The following MTM1 variants were observed in gnomAD, a reference collection of about 807,000 sequenced individuals.
MTM1 encodes myotubularin.
Under a neutral mutation model 52.1 loss-of-function variants are expected in MTM1, and 9 were observed. That is an observed-to-expected ratio of 0.17 (90% CI 0.10 to 0.30). The LOEUF is 0.30. MTM1 is among the 10% of genes least tolerant of loss of function. The pLI is 1.00. For missense variants in MTM1, 277 were observed against 470.7 expected (o/e 0.59, Z 3.81); for synonymous variants, 136 against 163.8 (o/e 0.83, Z 1.29).
intron 1 of MTM1, among the ~76,000 whole-genome samples, chrX:150,570,249 G>T (rs928037160): frequency 9.0e-6 from 1 of 111,218 alleles, no homozygotes; most frequent in Non-Finnish European, 1.9e-5. Flanking sequence ...AATAAACAAT[G>T]ATATATTTTC....
chrX:150,580,002 T>G (rs894192329), intron 1 of MTM1, among the ~76,000 whole-genome samples: 8 of 111,480 alleles, frequency 7.2e-5, no homozygotes, highest in Non-Finnish European at 1.3e-4. Flanking sequence ...CAATATGTTA[T>G]GTGTTTTGAA....
rs2040409127 is a variant in MTM1 at position 150,672,368 on chromosome X, T to C, written c.*773T>C. The C allele has an allele frequency of 8.9e-6, 1 of 111,857 alleles. No individual in the cohort carries two copies. Among genetic ancestry groups the C allele is most frequent in the African/African-American group, 3.3e-5 (1 of 30,767 alleles). The allele number at this position is 111,857 out of a possible 1,213,427, so 9.2% of individuals were successfully genotyped here. A position where few individuals can be genotyped will look rare whatever the true frequency, so the allele number is the denominator to read the frequency against. Reference sequence around the variant, plus strand: ...TTGTGGCAAACCCCAAAGAGAGCACTGTCCAAGGATGTCGGGAGCATCCTG... The same window carrying C: ...TTGTGGCAAACCCCAAAGAGAGCACCGTCCAAGGATGTCGGGAGCATCCTG... On this transcript the variant is annotated 3_prime_UTR_variant, in exon 15 of 15. Transcript: ENST00000370396.
chrX:150,642,266 C>T (rs1177358991), intron 8 of MTM1, among the ~76,000 whole-genome samples: 1 of 111,246 alleles, frequency 9.0e-6, no homozygotes, highest in African/African-American at 3.3e-5. Flanking sequence ...TTGTTATACA[C>T]TTCTAGCCAT....
chrX:150,583,101 A>G (rs995994148), intron 1 of MTM1, among the ~76,000 whole-genome samples: 1 of 85,393 alleles, frequency 1.2e-5, no homozygotes, highest in African/African-American at 4.5e-5. Flanking sequence ...ATATATTTAT[A>G]TATAAATTAT....
intron 7 of MTM1, 130 bp from the exon 8 acceptor site, chrX:150,641,139 G>A: frequency 3.0e-6 from 2 of 655,967 alleles, no homozygotes; most frequent in Non-Finnish European, 4.7e-6. Flanking sequence ...ATTATAAATA[G>A]GTAGACCGTC....
chrX:150,597,376 A>G (rs782712588), intron 3 of MTM1, among the ~76,000 whole-genome samples: 1 of 111,943 alleles, frequency 8.9e-6, no homozygotes, highest in South Asian at 3.7e-4. Flanking sequence ...TGAGTCCACA[A>G]ACTTGCACAC....
intron 1 of MTM1, among the ~76,000 whole-genome samples, chrX:150,571,973 A>G (rs1197355405): frequency 1.8e-5 from 2 of 112,064 alleles, no homozygotes; most frequent in Non-Finnish European, 3.8e-5. Context: ...GTATTTTTCC[A>G]CTGTGAGTAC....
At chrX:150,614,034 C>T (rs781851194) in intron 4 of MTM1, among the ~76,000 whole-genome samples, 13 of 112,054 alleles carry the variant, frequency 1.2e-4, no homozygotes, top group East Asian at 5.6e-4. Context: ...TAACAGCAGT[C>T]GGAATCAAGT....
intron 10 of MTM1, among the ~76,000 whole-genome samples, chrX:150,653,260 C>T (rs187511518): frequency 3.6e-5 from 4 of 110,832 alleles, no homozygotes; most frequent in East Asian, 5.7e-4. Flanking sequence ...CTGGTTGGAA[C>T]GAGGGGAAAT....
intron 4 of MTM1, among the ~76,000 whole-genome samples, chrX:150,611,082 G>A (rs916117711): frequency 1.6e-4 from 18 of 111,674 alleles, no homozygotes; most frequent in African/African-American, 5.5e-4. Flanking sequence ...TTACTGAGTA[G>A]TATTTTTCTC....
chrX:150,667,689 G>A (rs1334725043), intron 14 of MTM1, among the ~76,000 whole-genome samples: 1 of 112,062 alleles, frequency 8.9e-6, no homozygotes, highest in Non-Finnish European at 1.9e-5. Flanking sequence ...CCACTGCCAG[G>A]CCACACACTA....
At chrX:150,582,990 A>G (rs782191390) in intron 1 of MTM1, among the ~76,000 whole-genome samples, 1 of 97,347 alleles carries the variant, frequency 1.0e-5, no homozygotes, top group East Asian at 3.1e-4. Flanking sequence ...CATCTTCTCC[A>G]GATACTTTGA....
At chrX:150,623,794 G>A (rs1557413343) in intron 6 of MTM1, among the ~76,000 whole-genome samples, 1 of 111,133 alleles carries the variant, frequency 9.0e-6, no homozygotes, top group East Asian at 2.8e-4. Flanking sequence ...TTTCCTAGGA[G>A]GTAACATAAG....
At chrX:150,574,092 C>G (rs1261721875) in intron 1 of MTM1, among the ~76,000 whole-genome samples, 2 of 111,600 alleles carry the variant, frequency 1.8e-5, no homozygotes, top group Admixed American at 1.9e-4. Context: ...GTCCCTACTG[C>G]CCTAACAAAG....
chrX:150,654,307 C>T (rs1424858121), intron 10 of MTM1, among the ~76,000 whole-genome samples: 2 of 109,905 alleles, frequency 1.8e-5, no homozygotes, highest in Non-Finnish European at 3.8e-5. Flanking sequence ...GTGAGAGTTG[C>T]CCTCTGTAAA....
intron 12 of MTM1, 132 bp from the exon 13 acceptor site, chrX:150,660,238 AG>A (rs1393208862): frequency 2.1e-6 from 1 of 485,072 alleles, no homozygotes; most frequent in African/African-American, 2.4e-5. Flanking sequence ...GTGTGTGTGC[AG>A]ATTACAGCCT....
In MTM1 at chrX:150,672,193, GT is replaced by G. The variant is rs1156542971; in HGVS notation, c.*602del. On this transcript the variant is annotated 3_prime_UTR_variant, in exon 15 of 15. Transcript: ENST00000370396. ...ATTTGGAAATTTAGGGGTAGAAAAT[GT>G]TTTCCCCTAATTTTCCAGAGAAGCC... 1 of 112,047 alleles carries G rather than the reference GT, an allele frequency of 8.9e-6. No homozygotes were observed. Among genetic ancestry groups the G allele is most frequent in the African/African-American group, 3.3e-5 (1 of 30,763 alleles). The allele number at this position is 112,047 out of a possible 1,213,427, so 9.2% of individuals were successfully genotyped here. A position where few individuals can be genotyped will look rare whatever the true frequency, so the allele number is the denominator to read the frequency against.
chrX:150,643,440 G>A (rs1270982469), intron 8 of MTM1, among the ~76,000 whole-genome samples: 1 of 111,221 alleles, frequency 9.0e-6, no homozygotes, highest in East Asian at 2.8e-4. Flanking sequence ...ATACTGATAA[G>A]CAAAAAGGAG....
At chrX:150,600,600 G>A (rs782383754) in intron 4 of MTM1, among the ~76,000 whole-genome samples, 1 of 111,971 alleles carries the variant, frequency 8.9e-6, no homozygotes, top group Non-Finnish European at 1.9e-5. Flanking sequence ...AGTTGGAGCA[G>A]TGATCAAAAT....
Sources: gnomAD v4.1 joint callset for allele counts (sites outside exome capture counted in the v4.1 genomes callset) on GRCh38, gnomAD v4.1.1 for gene constraint, MANE v1.5 for transcripts, NCBI Gene and HGNC (gene_info 2026-07-23, HGNC 2026-07-21) for gene names.